PCLAF: variants seen among roughly 807,000 people sequenced by gnomAD.
PCLAF encodes PCNA-associated factor.
PCLAF carries 12 observed loss-of-function variants against 15.1 expected under a neutral mutation model. The ratio of observed to expected loss-of-function variants is 0.79; its 90% confidence interval spans 0.51 to 1.29. The LOEUF (loss-of-function observed/expected upper bound fraction) is 1.29. Among genes scored for constraint, PCLAF ranks in the 50% most tolerant of loss-of-function variants. PCLAF has a pLI of 0.00. For missense variants in PCLAF, 116 were observed against 130.9 expected, an observed-to-expected ratio of 0.89 and a Z score of 0.56; for synonymous variants, 33 against 47.1, an observed-to-expected ratio of 0.70 and a Z score of 1.22.
intron 3 of PCLAF, among the ~76,000 whole-genome samples, chr15:64,372,853 C>T (rs1899398730): frequency 6.6e-6 from 1 of 151,198 alleles, no homozygotes; most frequent in Non-Finnish European, 1.5e-5. Context: ...TGCCTGTAAT[C>T]CCAGTTACTC....
At chr15:64,373,355 C>T (rs780514399) in intron 3 of PCLAF, 25 of 207,428 alleles carry the variant, frequency 1.2e-4, no homozygotes, top group African/African-American at 3.2e-4. Context: ...GACTCTCAAG[C>T]GTTTCTCTGT....
rs192856779 is a variant in PCLAF at position 64,387,625 on chromosome 15, G to A, written n.63C>T. 308 of 1,392,478 alleles carry A rather than the reference G, an allele frequency of 2.2e-4. 1 individual carries two copies. Among genetic ancestry groups the A allele is most frequent in the Admixed American group, 9.9e-4 (32 of 32,326 alleles). The allele number at this position is 1,392,478 out of a possible 1,614,324, so 86.3% of individuals were successfully genotyped here. ...TGGCCTTCCTCGAGTCCTACGTTTA[G>A]CGATTGGCAAGAATCATGCACTGAC... On this transcript the variant is annotated non_coding_transcript_exon_variant, in exon 1 of 2. Transcript: ENST00000558250.
intron 3 of PCLAF, 29 bp from the exon 4 acceptor site, chr15:64,366,104 C>A (rs376968893): frequency 2.5e-6 from 4 of 1,571,922 alleles, no homozygotes; most frequent in Non-Finnish European, 3.5e-6. Context: ...ACATCAATAG[C>A]CATCCAAGTA....
intron 1 of PCLAF, 42 bp downstream of exon 1, chr15:64,381,284 G>GA: frequency 6.2e-7 from 1 of 1,611,288 alleles, no homozygotes; most frequent in Non-Finnish European, 8.5e-7. Context: ...AGGCTGCCGG[G>GA]AGGACCCCCC....
intron 3 of PCLAF, among the ~76,000 whole-genome samples, chr15:64,368,562 G>A (rs1193532903): frequency 6.6e-6 from 1 of 152,028 alleles, no homozygotes; most frequent in African/African-American, 2.4e-5. Flanking sequence ...CTGCCTTTGG[G>A]AGAAAAATAA....
At chr15:64,387,196 AC>A (rs1196025252) in intron 1 of PCLAF, among the ~76,000 whole-genome samples, 1 of 151,930 alleles carries the variant, frequency 6.6e-6, no homozygotes, top group Non-Finnish European at 1.5e-5. Context: ...CCCGGTTAAC[AC>A]GTGAAACCGC....
At chr15:64,383,301 G>T (rs1293223954), upstream of PCLAF, among the ~76,000 whole-genome samples, 2 of 151,680 alleles carry the variant, frequency 1.3e-5, no homozygotes, top group Non-Finnish European at 2.9e-5. Flanking sequence ...AAATCCACAA[G>T]ACCCAGGGCA....
In PCLAF at chr15:64,376,915, A is replaced by G. The variant is rs760769298; in HGVS notation, c.128-10T>C. The G allele has an allele frequency of 1.9e-6, 3 of 1,611,922 alleles. No homozygotes were observed. Among genetic ancestry groups the G allele is most frequent in the Non-Finnish European group, 2.5e-6 (3 of 1,178,722 alleles). On this transcript the variant is annotated splice_polypyrimidine_tract_variant and intron_variant, in intron 2 of 3. Coordinates refer to ENST00000300035, the MANE Select transcript of PCLAF (RefSeq NM_014736.6). ...GCATATTTATTTTCAGCTGTAAAAT[A>G]TAAACAGATGGAACTAGATAAGTGC...
At chr15:64,384,368 A>G (rs901513686), upstream of PCLAF, among the ~76,000 whole-genome samples, 2 of 151,962 alleles carry the variant, frequency 1.3e-5, no homozygotes, top group Non-Finnish European at 2.9e-5. Context: ...TCCTGACCTC[A>G]GGTGATCTGC....
intron 3 of PCLAF, 60 bp downstream of exon 3, chr15:64,376,683 T>C (rs1899611859): frequency 1.4e-6 from 2 of 1,417,308 alleles, no homozygotes; most frequent in Admixed American, 4.1e-5. Context: ...CCTCCCAAAG[T>C]GCTGGGATTA....
At chr15:64,373,716 C>T (rs547039496) in intron 3 of PCLAF, 9 of 1,535,770 alleles carry the variant, frequency 5.9e-6, no homozygotes, top group African/African-American at 5.5e-5. Context: ...ATCAGTGTGC[C>T]GTGTGTCCAG....
upstream of PCLAF, among the ~76,000 whole-genome samples, chr15:64,385,578 T>C (rs1387196382): frequency 2.0e-5 from 3 of 151,392 alleles, no homozygotes; most frequent in African/African-American, 7.3e-5. Flanking sequence ...TGAGCCAAGA[T>C]TGCACTATTG....
exon 1 of PCLAF, chr15:64,387,467 C>A: frequency 2.4e-6 from 3 of 1,272,198 alleles, no homozygotes; most frequent in Non-Finnish European, 2.0e-6. Flanking sequence ...ATACCTTCCA[C>A]GTGCTGTTTT....
At chr15:64,379,532 G>A (rs1446451184) in intron 2 of PCLAF, among the ~76,000 whole-genome samples, 1 of 151,782 alleles carries the variant, frequency 6.6e-6, no homozygotes, top group East Asian at 1.9e-4. Flanking sequence ...TAGTGGTACA[G>A]GGTATAAGTT....
chr15:64,366,001 G>C lies in PCLAF; in HGVS notation c.*29C>G. ...TCTAGAATACCAGGGTAAACAAGGA[G>C]ACGTTATTCAAAGATGAATGAGAAA... On this transcript the variant is annotated 3_prime_UTR_variant, in exon 4 of 4. Transcript: ENST00000300035. 1 of 1,560,034 alleles carries C rather than the reference G, an allele frequency of 6.4e-7. No homozygotes were observed. The highest frequency in any genetic ancestry group is 8.8e-7 in the Non-Finnish European group (1 of 1,133,496).
intron 1 of PCLAF, among the ~76,000 whole-genome samples, chr15:64,387,042 T>G (rs946060423): frequency 6.6e-6 from 1 of 152,058 alleles, no homozygotes; most frequent in African/African-American, 2.4e-5. Flanking sequence ...AAATTCCAAC[T>G]CCTGTTTTAC....
Position 64,370,461 on chromosome 15 carries a change from G to A in PCLAF, c.291-4386C>T, listed in dbSNP as rs367729456. On this transcript the variant is annotated intron_variant, in intron 3 of 3. Transcript: ENST00000300035. ...CGGCTCACTGCAACCTCCGCCTCCC[G>A]AGTTCAAGTGATTCTCCTGCCTCAG... Among the ~76,000 whole-genome samples, 16 of 150,556 alleles carry A rather than the reference G, an allele frequency of 1.1e-4. No homozygotes were observed. In the South Asian group the frequency reaches 3.2e-3, roughly 30 times the overall value.
intron 1 of PCLAF, 74 bp downstream of exon 1, chr15:64,381,252 C>G: frequency 6.4e-7 from 1 of 1,557,830 alleles, no homozygotes. Flanking sequence ...AGGGGGACCT[C>G]TGGCGTCTGT....
rs1898988708 is a variant in PCLAF at position 64,365,359 on chromosome 15, T to G, written c.*671A>C. 6.5e-6 allele frequency: 1 copy of G among 152,910 alleles called. No individual in the cohort carries two copies. 9.5% of individuals were successfully genotyped at this position (152,910 alleles called of 1,614,324 possible). ...GTTGCCTGGGCTGGTCTCCAACTCC[T>G]GGACTCAAGCAAACCTCCCTCCTCA... is the stretch of plus-strand genomic sequence containing the variant. On this transcript the variant is annotated 3_prime_UTR_variant, in exon 4 of 4. Coordinates refer to ENST00000300035, the MANE Select transcript of PCLAF (RefSeq NM_014736.6).
Sources: allele counts gnomAD v4.1 joint callset (sites outside exome capture counted in the v4.1 genomes callset), GRCh38; gene constraint gnomAD v4.1.1; transcripts MANE v1.5; gene names NCBI Gene and HGNC (gene_info 2026-07-23, HGNC 2026-07-21).